The following NR3C2 variants were observed in gnomAD, a reference collection of about 807,000 sequenced individuals.
The protein encoded by NR3C2 is nuclear receptor subfamily 3 group C member 2.
NR3C2 carries 15 observed loss-of-function variants against 86.4 expected under a neutral mutation model. That is an observed-to-expected ratio of 0.17 (90% CI 0.12 to 0.27). The LOEUF (loss-of-function observed/expected upper bound fraction) is 0.27, where lower values mean the gene tolerates loss of function less well. NR3C2 is among the 10% of genes least tolerant of loss of function. NR3C2 has a pLI of 1.00. For missense variants in NR3C2, 960 were observed against 1,195.6 expected (o/e 0.80, Z 2.91); for synonymous variants, 458 against 450.5 (o/e 1.02, Z -0.21).
chr4:148,262,885 G>A (rs1579080120), intron 2 of NR3C2, among the ~76,000 whole-genome samples: 1 of 152,126 alleles, frequency 6.6e-6, no homozygotes, highest in South Asian at 2.1e-4. Context: ...AATTTTATTC[G>A]TTTTATCCAC....
At chr4:148,226,079 TCA>T (rs1342403407) in intron 3 of NR3C2, among the ~76,000 whole-genome samples, 1 of 152,156 alleles carries the variant, frequency 6.6e-6, no homozygotes, top group Non-Finnish European at 1.5e-5. Context: ...AAGGCACCTA[TCA>T]CAAAAAAAGT....
At chr4:148,356,172 T>A (rs1009584578) in intron 2 of NR3C2, among the ~76,000 whole-genome samples, 2 of 152,246 alleles carry the variant, frequency 1.3e-5, no homozygotes, top group Non-Finnish European at 2.9e-5. Context: ...TTATATGTTA[T>A]ATTAATCAAA....
At chr4:148,433,447 A>T (rs1252298241) in intron 2 of NR3C2, among the ~76,000 whole-genome samples, 2 of 152,168 alleles carry the variant, frequency 1.3e-5, no homozygotes, top group African/African-American at 4.8e-5. Context: ...GATTCTGTGG[A>T]ATTTCATACA....
chr4:148,224,374 A>AT (rs1185621701), intron 3 of NR3C2, among the ~76,000 whole-genome samples: 1 of 152,200 alleles, frequency 6.6e-6, no homozygotes, highest in Admixed American at 6.5e-5. Context: ...AAGCACAATG[A>AT]TTTTGTCTAT....
intron 2 of NR3C2, among the ~76,000 whole-genome samples, chr4:148,318,294 G>C (rs994867547): frequency 2.6e-5 from 4 of 151,590 alleles, no homozygotes; most frequent in East Asian, 1.9e-4. Flanking sequence ...ATTTGGGTTC[G>C]TTCCAAGTCT....
Position 148,114,173 on chromosome 4 carries a change from A to C in NR3C2, c.2730T>G (p.Cys910Trp), listed in dbSNP as rs972018320. The change falls in exon 8 of 9, where the codon TGT (cysteine) becomes TGG (tryptophan). Residue 910 changes from cysteine (C) to tryptophan (W), a missense_variant. Around this residue, in one of 4 missense-constraint regions of NR3C2, gnomAD observed 151 missense variants for 296.3 expected, o/e 0.51. Transcript: ENST00000358102. ...GCCAGCTCTGCCCAGAATTGTTGGG[A>C]CACTTAGTTACCATCTTCCTCAGTT... is the stretch of plus-strand genomic sequence containing the variant. ...IKELRKMVTKCPNNSGQSWQR... is the reference protein window; with the variant it reads ...IKELRKMVTKWPNNSGQSWQR... 1 of 1,613,852 alleles carries C rather than the reference A, an allele frequency of 6.2e-7. No individual in the cohort carries two copies. Among genetic ancestry groups the C allele is most frequent in the Admixed American group, 1.7e-5 (1 of 59,976 alleles).
intron 1 of NR3C2, among the ~76,000 whole-genome samples, chr4:148,438,335 C>T (rs1466268429): frequency 6.6e-6 from 1 of 152,212 alleles, no homozygotes; most frequent in African/African-American, 2.4e-5. Flanking sequence ...TCACCCTTGG[C>T]TGACAACCAC....
chr4:148,304,328 C>CT (rs35633620), intron 2 of NR3C2, among the ~76,000 whole-genome samples: 41,600 of 83,868 alleles, frequency 0.5, 11,240 homozygotes, highest in South Asian at 0.59. Context: ...GTTGTTGTTG[C>CT]TTTTTTTTTT....
At chr4:148,195,953 C>T (rs968193910) in intron 3 of NR3C2, among the ~76,000 whole-genome samples, 1 of 152,188 alleles carries the variant, frequency 6.6e-6, no homozygotes, top group Non-Finnish European at 1.5e-5. Flanking sequence ...GGGCTTTGAG[C>T]AGAGGAGTCA....
At position 148,333,617 on chromosome 4, in the gene NR3C2, T is replaced by A. The variant is rs180881163; in HGVS notation, c.1758-73500A>T. On this transcript the variant is annotated intron_variant, in intron 2 of 8. Coordinates refer to ENST00000358102, the MANE Select transcript of NR3C2 (RefSeq NM_000901.5). Reference sequence around the variant, plus strand: ...GATTATGCCAAGTCCCACATGCTAGTCCCACACAGTCACCTCCTAGGTTCT... The same window carrying A: ...GATTATGCCAAGTCCCACATGCTAGACCCACACAGTCACCTCCTAGGTTCT... 1.0e-3 allele frequency among the ~76,000 whole-genome samples: 152 copies of A among 152,192 alleles called. 1 individual carries two copies. The highest frequency in any genetic ancestry group is 3.3e-3 in the African/African-American group (139 of 41,534).
At chr4:148,158,057 T>C (rs566124630) in intron 4 of NR3C2, among the ~76,000 whole-genome samples, 1 of 152,316 alleles carries the variant, frequency 6.6e-6, no homozygotes, top group South Asian at 2.1e-4. Context: ...AATAAAAGAT[T>C]TGAGGCACAG....
chr4:148,154,438 A>G lies in NR3C2; in HGVS notation c.2365+113T>C, dbSNP rs1734251917. 4 of 943,574 alleles carry G rather than the reference A, an allele frequency of 4.2e-6. No homozygotes were observed. The South Asian group carries it at 5.2e-5, about 12-fold the overall frequency. 58.5% of individuals were successfully genotyped at this position (943,574 alleles called of 1,614,324 possible). ...ATTTGTTATCAATTTAAAAAATCTG[A>G]TATCAGGATTTCATAGAACGCAAAC... On this transcript the variant is annotated intron_variant, in intron 5 of 8. Transcript: ENST00000358102.
chr4:148,184,730 C>A (rs1387347731), intron 4 of NR3C2, among the ~76,000 whole-genome samples: 1 of 152,042 alleles, frequency 6.6e-6, no homozygotes, highest in Non-Finnish European at 1.5e-5. Flanking sequence ...AATGGCTGTA[C>A]CCTTGTGTCA....
intron 8 of NR3C2, among the ~76,000 whole-genome samples, chr4:148,110,902 T>G (rs776251213): frequency 1.3e-5 from 2 of 152,130 alleles, no homozygotes; most frequent in East Asian, 1.9e-4. Flanking sequence ...GAAGGAAACA[T>G]AGAGAAAAGC....
At chr4:148,358,199 T>C (rs1398664572) in intron 2 of NR3C2, among the ~76,000 whole-genome samples, 1 of 152,042 alleles carries the variant, frequency 6.6e-6, no homozygotes, top group East Asian at 1.9e-4. Flanking sequence ...TTATTCACAA[T>C]AGCGAAGACT....
chr4:148,179,468 A>G (rs896559459), intron 4 of NR3C2, among the ~76,000 whole-genome samples: 1 of 151,774 alleles, frequency 6.6e-6, no homozygotes, highest in Admixed American at 6.5e-5. Flanking sequence ...CCTGAATTTT[A>G]TATTTAAAAA....
intron 3 of NR3C2, chr4:148,208,458 T>G (rs1018280898): frequency 2.6e-5 from 4 of 152,260 alleles, no homozygotes; most frequent in Non-Finnish European, 5.9e-5. Context: ...GTTTTGTGCC[T>G]CATTCCCCTG....
intron 3 of NR3C2, among the ~76,000 whole-genome samples, chr4:148,239,766 T>C (rs375481218): frequency 6.6e-6 from 1 of 152,174 alleles, no homozygotes; most frequent in African/African-American, 2.4e-5. Context: ...GAAAACACCA[T>C]GTGAAAAATG....
intron 2 of NR3C2, among the ~76,000 whole-genome samples, chr4:148,397,648 C>G (rs1263983638): frequency 6.6e-6 from 1 of 152,120 alleles, no homozygotes; most frequent in Non-Finnish European, 1.5e-5. Flanking sequence ...TTCCTAATCC[C>G]CTAAGCACCT....
Sources: gnomAD v4.1 joint callset for allele counts (sites outside exome capture counted in the v4.1 genomes callset) on GRCh38, gnomAD v4.1.1 for gene constraint, gnomAD v4.1.1 regional missense constraint, MANE v1.5 for transcripts, NCBI Gene and HGNC (gene_info 2026-07-23, HGNC 2026-07-21) for gene names.